Variants in YWHAQ observed in about 807,000 individuals in gnomAD.
YWHAQ encodes the protein 14-3-3 protein theta.
A neutral mutation model predicts 28.3 loss-of-function variants in YWHAQ; 6 were observed. The ratio of observed to expected loss-of-function variants is 0.21; its 90% CI spans 0.12 to 0.42. The LOEUF (loss-of-function observed/expected upper bound fraction) is 0.42. Among genes scored for constraint, YWHAQ ranks in the 10% least tolerant of loss-of-function variants. The pLI is 1.00. For synonymous variants in YWHAQ, 143 were observed against 119.1 expected, an observed-to-expected ratio of 1.20 and a Z score of -1.31; for missense variants, 201 against 305.6, an observed-to-expected ratio of 0.66 and a Z score of 2.55.
At chr2:9,616,074 T>G (rs1667035956) in intron 2 of YWHAQ, among the ~76,000 whole-genome samples, 1 of 152,166 alleles carries the variant, frequency 6.6e-6, no homozygotes, top group Admixed American at 6.5e-5. Flanking sequence ...AGGGAATACA[T>G]TACAGTAGAG....
intron 5 of YWHAQ, among the ~76,000 whole-genome samples, chr2:9,585,807 G>A (rs979251080): frequency 3.3e-5 from 5 of 151,646 alleles, no homozygotes; most frequent in African/African-American, 1.2e-4. Flanking sequence ...TAACTACTCA[G>A]GAGGCTGAGG....
chr2:9,621,883 G>T (rs1667148493), intron 2 of YWHAQ, among the ~76,000 whole-genome samples: 1 of 152,100 alleles, frequency 6.6e-6, no homozygotes, highest in African/African-American at 2.4e-5. Context: ...CATGTCCTTT[G>T]CAAGGACATA....
chr2:9,586,421 AAAAC>A (rs548558365), intron 5 of YWHAQ, among the ~76,000 whole-genome samples: 230 of 152,354 alleles, frequency 1.5e-3, no homozygotes, highest in Middle Eastern at 3.4e-3. Flanking sequence ...ATACTAAATA[AAAAC>A]AAACAAAACA....
At chr2:9,611,761 C>A (rs2125070051) in intron 2 of YWHAQ, among the ~76,000 whole-genome samples, 1 of 152,320 alleles carries the variant, frequency 6.6e-6, no homozygotes, top group Non-Finnish European at 1.5e-5. Context: ...ACCTCTGCCT[C>A]CCGGGTTCAA....
Position 9,630,485 on chromosome 2 carries a change from CGA to C in YWHAQ, c.-35_-34del. 8.1e-7 allele frequency: 1 copy of C among 1,233,996 alleles called. No homozygotes were observed. Among genetic ancestry groups the C allele is most frequent in the Non-Finnish European group, 1.2e-6 (1 of 867,716 alleles). 76.4% of individuals were successfully genotyped at this position (1,233,996 alleles called of 1,614,324 possible). ...GCGGGGCCGGGGCCGGGGCGGAGGGCGAGGAGAGCGAGGGCGAGCGCCGACCC... is the reference window on the plus strand; with the variant it reads ...GCGGGGCCGGGGCCGGGGCGGAGGGCGGAGAGCGAGGGCGAGCGCCGACCC... On this transcript the variant is annotated 5_prime_UTR_variant, in exon 2 of 6. Transcript: ENST00000238081. This position sits in a 1 kb window ranked among gnomAD's most constrained non-coding sequence, Gnocchi z 5.6.
intron 2 of YWHAQ, among the ~76,000 whole-genome samples, chr2:9,599,249 C>T (rs978683164): frequency 3.3e-5 from 5 of 151,956 alleles, no homozygotes; most frequent in East Asian, 1.9e-4. Context: ...TGAGGTTGAC[C>T]GAAAGAAGTC....
At chr2:9,602,915 G>A (rs1392621868) in intron 2 of YWHAQ, among the ~76,000 whole-genome samples, 2 of 112,904 alleles carry the variant, frequency 1.8e-5, no homozygotes, top group African/African-American at 3.3e-5. Flanking sequence ...TAGGGACACA[G>A]TCTTGCTATG....
rs775375833 is a variant in YWHAQ, at chr2:9,591,487, T to C, written c.323A>G (p.Asn108Ser). 12 of 1,611,376 alleles carry C rather than the reference T, an allele frequency of 7.4e-6. No individual in the cohort carries two copies. Among genetic ancestry groups the C allele is most frequent in the East Asian group, 2.2e-5 (1 of 44,838 alleles). ...GACCTTACTCTCTGGATTAGTTGCA[T>C]TGGCTATTAAATATTTATCCAACAA... is the stretch of plus-strand genomic sequence containing the variant. ...LELLDKYLIA[N>S]ATNPESKVFY... Residue 108 changes from asparagine (N) to serine (S), a missense_variant, in exon 3 of 6, where the codon AAT becomes AGT. Around this residue, in one of 2 missense-constraint regions of YWHAQ, gnomAD observed 162 missense variants for 213.9 expected, o/e 0.76. Transcript: ENST00000238081.
At chr2:9,598,523 A>G (rs1666624141) in intron 2 of YWHAQ, among the ~76,000 whole-genome samples, 1 of 152,112 alleles carries the variant, frequency 6.6e-6, no homozygotes, top group South Asian at 2.1e-4. Flanking sequence ...TATCAGAGCC[A>G]ATTTCCACCA....
intron 2 of YWHAQ, among the ~76,000 whole-genome samples, chr2:9,609,527 T>G (rs2125069251): frequency 6.6e-6 from 1 of 152,192 alleles, no homozygotes; most frequent in South Asian, 2.1e-4. Context: ...TGGCCGAGAC[T>G]TCCAGTAATG....
At chr2:9,607,085 T>C (rs1666845788) in intron 2 of YWHAQ, among the ~76,000 whole-genome samples, 1 of 152,128 alleles carries the variant, frequency 6.6e-6, no homozygotes, top group Non-Finnish European at 1.5e-5. Flanking sequence ...GGTTTCACCA[T>C]GTTGGTCATG....
chr2:9,622,388 A>G lies in YWHAQ; in HGVS notation c.294+7771T>C, dbSNP rs926817910. On this transcript the variant is annotated intron_variant, in intron 2 of 5. Coordinates refer to ENST00000238081, the MANE Select transcript of YWHAQ (RefSeq NM_006826.4). ...CCTAGCATGTTTTTGAAATTCAATC[A>G]TATTGTAGTATCAGTGGTCCATTCA... 7.2e-5 allele frequency among the ~76,000 whole-genome samples: 11 copies of G among 152,192 alleles called. 1 individual carries two copies. In the South Asian group the frequency reaches 8.3e-4, roughly 11 times the overall value.
chr2:9,585,391 A>C (rs767650830), intron 5 of YWHAQ, 46 bp from the exon 6 acceptor site: 1 of 1,594,254 alleles, frequency 6.3e-7, no homozygotes. Context: ...TAGATTAGGC[A>C]ATTACACTAA....
At chr2:9,601,532 A>G (rs562333554) in intron 2 of YWHAQ, among the ~76,000 whole-genome samples, 44 of 152,336 alleles carry the variant, frequency 2.9e-4, no homozygotes, top group African/African-American at 9.4e-4. Flanking sequence ...AAAGGTAAAA[A>G]ATGAATCATC....
At chr2:9,597,650 A>G (rs1018554641) in intron 2 of YWHAQ, among the ~76,000 whole-genome samples, 2 of 151,108 alleles carry the variant, frequency 1.3e-5, no homozygotes, top group Non-Finnish European at 2.9e-5. Flanking sequence ...AAAAAAAAAA[A>G]AAAGAAAAAG....
intron 2 of YWHAQ, among the ~76,000 whole-genome samples, chr2:9,595,884 A>C (rs1480303063): frequency 6.6e-6 from 1 of 152,110 alleles, no homozygotes; most frequent in African/African-American, 2.4e-5. Flanking sequence ...TGACAGTGTT[A>C]CTTGACTGAG....
intron 5 of YWHAQ, 102 bp from the exon 6 acceptor site, chr2:9,585,447 C>G: frequency 7.7e-7 from 1 of 1,294,252 alleles, no homozygotes; most frequent in Non-Finnish European, 1.1e-6. Context: ...GTAAATTCCT[C>G]AAACAATGGA....
intron 2 of YWHAQ, among the ~76,000 whole-genome samples, chr2:9,603,759 T>C (rs886787686): frequency 6.6e-6 from 1 of 151,698 alleles, no homozygotes; most frequent in African/African-American, 2.4e-5. Context: ...CTCCCCTCTA[T>C]TAAAAATACT....
chr2:9,599,337 C>G (rs899998155), intron 2 of YWHAQ, among the ~76,000 whole-genome samples: 1 of 152,154 alleles, frequency 6.6e-6, no homozygotes, highest in Non-Finnish European at 1.5e-5. Flanking sequence ...GAAGATCTAG[C>G]TAATATCACT....
Sources: allele counts gnomAD v4.1 joint callset (sites outside exome capture counted in the v4.1 genomes callset), GRCh38; gene constraint gnomAD v4.1.1; regional missense constraint gnomAD v4.1.1; non-coding constraint Gnocchi (gnomAD v3.1); transcripts MANE v1.5; gene names NCBI Gene and HGNC (gene_info 2026-07-23, HGNC 2026-07-21).